Variants in DOP1B observed in about 807,000 individuals in gnomAD.
DOP1B encodes protein DOP1B.
Under a neutral mutation model 233.5 loss-of-function variants are expected in DOP1B, and 174 were observed. The ratio of observed to expected loss-of-function variants is 0.75; its 90% confidence interval spans 0.66 to 0.85. The LOEUF (loss-of-function observed/expected upper bound fraction) is 0.85. Ranked by LOEUF, DOP1B falls within the 40% of genes least tolerant of loss-of-function variation. The pLI is 0.00. For missense variants in DOP1B, 2,652 were observed against 2,846.6 expected (o/e 0.93, Z 1.56); for synonymous variants, 1,190 against 1,185.6 (o/e 1.00, Z -0.08).
In DOP1B at chr21:36,231,041, G is replaced by A. The variant is rs575242531; in HGVS notation, c.2257G>A (p.Ala753Thr). 6.8e-6 allele frequency: 11 copies of A among 1,614,092 alleles called. No homozygotes were observed. Among genetic ancestry groups the A allele is most frequent in the Middle Eastern group, 1.6e-4 (1 of 6,062 alleles). Residue 753 changes from alanine to threonine, a missense_variant, in exon 14 of 37, where the codon GCC (alanine) becomes ACC (threonine). Physicochemically the swap from Ala to Thr is moderately conservative, Grantham distance 58. Transcript: ENST00000691173. ...GGAACGCAGGGAGGCCTTTGCCGCCGCCTGCCACCTGCTGCTGGATTGTGC... is the reference window on the plus strand; with the variant it reads ...GGAACGCAGGGAGGCCTTTGCCGCCACCTGCCACCTGCTGCTGGATTGTGC... ...REERREAFAA[A>T]CHLLLDCATF... is the part of the protein sequence containing the mutation.
At chr21:36,200,558 AG>A in intron 4 of DOP1B, 57 bp downstream of exon 4, 3 of 1,525,716 alleles carry the variant, frequency 2.0e-6, no homozygotes. Context: ...AGACGCGGGG[AG>A]GGGGCCGGGC....
rs1312939964 is a variant in DOP1B, at chr21:36,208,794, GC to G, written c.573del (p.Ser192AlafsTer37). The G allele has an allele frequency of 6.2e-7, 1 of 1,611,046 alleles. No individual in the cohort carries two copies. Among genetic ancestry groups the G allele is most frequent in the Admixed American group, 1.7e-5 (1 of 59,588 alleles). On this transcript the variant is annotated frameshift_variant, in exon 5 of 37. Transcript: ENST00000691173. LOFTEE classifies it high-confidence loss of function. ...FYTALWGSVL[A>X]SPSIRLPASV... Reference sequence around the variant, plus strand: ...CACCGCCCTCTGGGGGAGCGTCCTGGCCAGCCCGTCCATCCGCCTCCCTGCC... The same window carrying G: ...CACCGCCCTCTGGGGGAGCGTCCTGGCAGCCCGTCCATCCGCCTCCCTGCC...
intron 2 of DOP1B, among the ~76,000 whole-genome samples, chr21:36,194,774 A>T (rs2066270070): frequency 6.6e-6 from 1 of 151,968 alleles, no homozygotes; most frequent in Non-Finnish European, 1.5e-5. Context: ...GGCGTGAGCC[A>T]CTGCACCCAG....
chr21:36,286,637 AAAACACAC>A (rs749115321), intron 32 of DOP1B, among the ~76,000 whole-genome samples: 14 of 69,362 alleles, frequency 2.0e-4, no homozygotes, highest in Non-Finnish European at 3.0e-4. Flanking sequence ...CTCCATCTCA[AAAACACAC>A]ACACACACAC....
chr21:36,176,121 T>TGTGTGTGTGTGTGTGTGTGG (rs962494737), intron 2 of DOP1B, among the ~76,000 whole-genome samples: 3 of 151,764 alleles, frequency 2.0e-5, no homozygotes, highest in African/African-American at 7.3e-5. Context: ...TGTGTGTGTG[T>TGTGTGTGTGTGTGTGTGTGG]GGTGATACAG....
At chr21:36,201,318 A>ATTC in intron 4 of DOP1B, among the ~76,000 whole-genome samples, 1 of 130,376 alleles carries the variant, frequency 7.7e-6, no homozygotes, top group African/African-American at 2.9e-5. Flanking sequence ...CACAGCTGGG[A>ATTC]TTCTATTCCA....
chr21:36,259,668 T>A (rs1047049445), intron 23 of DOP1B, among the ~76,000 whole-genome samples: 2 of 152,158 alleles, frequency 1.3e-5, no homozygotes, highest in African/African-American at 4.8e-5. Context: ...AACCAAGGGG[T>A]TCTTCGAGGT....
At chr21:36,252,308 G>A (rs1179679115) in intron 22 of DOP1B, among the ~76,000 whole-genome samples, 1 of 151,624 alleles carries the variant, frequency 6.6e-6, no homozygotes, top group Non-Finnish European at 1.5e-5. Context: ...AATCACACTT[G>A]TTAGCTGGGC....
At chr21:36,225,700 G>A in intron 12 of DOP1B, 33 bp downstream of exon 12, 2 of 1,605,638 alleles carry the variant, frequency 1.2e-6, no homozygotes, top group South Asian at 1.1e-5. Flanking sequence ...CTCAACGCCT[G>A]CTATTATTTA....
intron 35 of DOP1B, among the ~76,000 whole-genome samples, chr21:36,289,876 G>A (rs142086995): frequency 1.4e-4 from 22 of 152,300 alleles, no homozygotes; most frequent in African/African-American, 4.6e-4. Flanking sequence ...ATCAGTGGTC[G>A]CCAGGGGTTG....
intron 27 of DOP1B, among the ~76,000 whole-genome samples, chr21:36,271,399 G>A (rs556328199): frequency 4.0e-5 from 6 of 151,874 alleles, no homozygotes; most frequent in African/African-American, 9.7e-5. Context: ...TCAGCCTCCC[G>A]AATAGCTGGG....
intron 24 of DOP1B, chr21:36,261,886 G>A (rs150510391): frequency 0.013 from 11,370 of 847,382 alleles, 85 homozygotes; most frequent in Middle Eastern, 0.021. Flanking sequence ...ACTCCAGGCT[G>A]GGGGACAGAA....
intron 18 of DOP1B, among the ~76,000 whole-genome samples, chr21:36,240,983 T>G (rs987049801): frequency 3.9e-5 from 6 of 151,972 alleles, no homozygotes; most frequent in Non-Finnish European, 7.4e-5. Flanking sequence ...AGGCCCAGAA[T>G]GTGGCAAGAC....
chr21:36,231,212 C>A, intron 14 of DOP1B, 78 bp downstream of exon 14: 1 of 1,483,210 alleles, frequency 6.7e-7, no homozygotes, highest in Non-Finnish European at 9.0e-7. Flanking sequence ...TATCCCCTAT[C>A]CACAATGCTA....
At chr21:36,249,954 A>G (rs2123604067) in intron 21 of DOP1B, among the ~76,000 whole-genome samples, 1 of 152,252 alleles carries the variant, frequency 6.6e-6, no homozygotes, top group South Asian at 2.1e-4. Context: ...TCTCACTCAG[A>G]AAAAAAGATT....
chr21:36,202,739 G>T (rs1008491721), intron 4 of DOP1B, among the ~76,000 whole-genome samples: 1 of 152,176 alleles, frequency 6.6e-6, no homozygotes, highest in African/African-American at 2.4e-5. Context: ...TCTACCTTAG[G>T]AGGCAGAATC....
At chr21:36,176,571 G>T (rs1195628297) in intron 2 of DOP1B, among the ~76,000 whole-genome samples, 2 of 152,164 alleles carry the variant, frequency 1.3e-5, no homozygotes, top group Non-Finnish European at 2.9e-5. Context: ...GAGGGTGGAG[G>T]TGGCCAGGTA....
chr21:36,246,346 G>A lies in DOP1B; in HGVS notation c.4366G>A (p.Gly1456Ser). 6.2e-7 allele frequency: 1 copy of A among 1,613,842 alleles called. No individual in the cohort carries two copies. Among genetic ancestry groups the A allele is most frequent in the Non-Finnish European group, 8.5e-7 (1 of 1,179,974 alleles). Reference protein sequence around the residue: ...QVLIVLEHHLGRAHEEAENQP... With the variant: ...QVLIVLEHHLSRAHEEAENQP... ...GCTGATTGTCTTGGAACACCACCTG[G>A]GTCGGGCCCATGAGGAGGCGGAAAA... The change falls in exon 19 of 37, where the codon GGT (glycine) becomes AGT (serine). Residue 1456 changes from glycine (G) to serine (S), a missense_variant. Physicochemically the swap from Gly to Ser is moderately conservative, Grantham distance 56. Around this residue, in one of 3 missense-constraint regions of DOP1B, gnomAD observed 2,617 missense variants for 2,794.3 expected, o/e 0.94. Coordinates refer to ENST00000691173, the MANE Select transcript of DOP1B (RefSeq NM_001320714.2). This position sits in a 1 kb window ranked among gnomAD's most constrained non-coding sequence, Gnocchi z 5.1.
chr21:36,176,098 G>GTA (rs1491331881), intron 2 of DOP1B, among the ~76,000 whole-genome samples: 3 of 32,920 alleles, frequency 9.1e-5, no homozygotes, highest in Non-Finnish European at 1.5e-4. Flanking sequence ...GTGTGTGTGC[G>GTA]TGTGTGTGTG....
Sources: gnomAD v4.1 joint callset for allele counts (sites outside exome capture counted in the v4.1 genomes callset) on GRCh38, gnomAD v4.1.1 for gene constraint, gnomAD v4.1.1 regional missense constraint, Gnocchi (gnomAD v3.1) non-coding constraint, MANE v1.5 for transcripts, NCBI Gene and HGNC (gene_info 2026-07-23, HGNC 2026-07-21) for gene names.